POLA1: variants seen among roughly 807,000 people sequenced by gnomAD.
POLA1 encodes the protein DNA polymerase alpha 1, catalytic subunit.
POLA1 carries 15 observed loss-of-function variants against 124.0 expected under a neutral mutation model. The ratio of observed to expected loss-of-function variants is 0.12; its 90% CI spans 0.08 to 0.19. The LOEUF is 0.19. Among genes scored for constraint, POLA1 ranks in the 10% least tolerant of loss-of-function variants. POLA1 has a pLI of 1.00. For missense variants in POLA1, 886 were observed against 1,103.4 expected (o/e 0.80, Z 2.79); for synonymous variants, 408 against 389.4 (o/e 1.05, Z -0.56).
chrX:24,892,639 T>G lies in POLA1; in HGVS notation c.4164+4517T>G, dbSNP rs1296614383. On this transcript the variant is annotated intron_variant, in intron 35 of 36. Transcript: ENST00000379068. ...CTGGTTTTGTTGTTGTTATTATTAT[T>G]AATCTCTCATTATCGAACTGGGATT... 2.7e-5 allele frequency among the ~76,000 whole-genome samples: 3 copies of G among 112,091 alleles called. No homozygotes were observed. In the Admixed American group the frequency reaches 2.8e-4, roughly 11 times the overall value.
chrX:24,959,820 A>T (rs749158578), intron 36 of POLA1, among the ~76,000 whole-genome samples: 1 of 111,811 alleles, frequency 8.9e-6, no homozygotes, highest in African/African-American at 3.2e-5. Flanking sequence ...TAGGGGTTTT[A>T]AAAATGTGGC....
chrX:24,988,832 G>T (rs1036726651), intron 36 of POLA1, among the ~76,000 whole-genome samples: 9 of 111,194 alleles, frequency 8.1e-5, no homozygotes, highest in Non-Finnish European at 1.3e-4. Flanking sequence ...CAGGCGTGGT[G>T]GCAGGCACCT....
intron 36 of POLA1, among the ~76,000 whole-genome samples, chrX:24,978,347 G>T (rs2048388346): frequency 1.8e-5 from 2 of 111,779 alleles, no homozygotes; most frequent in African/African-American, 6.5e-5. Flanking sequence ...CACAATATTT[G>T]TATATTTGGT....
chrX:24,693,955 C>G lies in POLA1; in HGVS notation c.-7C>G, dbSNP rs774987360. ...CTGGTTGGCGCGGAATCGGGAGATT[C>G]GGGACCATGGCACCTGTGCACGGCG... On this transcript the variant is annotated 5_prime_UTR_variant, in exon 1 of 37. Coordinates refer to ENST00000379068, the MANE Select transcript of POLA1 (RefSeq NM_001330360.2). 27 of 1,192,540 alleles carry G rather than the reference C, an allele frequency of 2.3e-5. No individual in the cohort carries two copies. Among genetic ancestry groups the G allele is most frequent in the Non-Finnish European group, 3.0e-5 (27 of 885,771 alleles).
intron 26 of POLA1, among the ~76,000 whole-genome samples, chrX:24,751,146 A>G (rs1166714824): frequency 9.0e-6 from 1 of 111,269 alleles, no homozygotes; most frequent in Non-Finnish European, 1.9e-5. Flanking sequence ...GCAATAGTTG[A>G]CAATTTACTC....
At chrX:24,844,548 C>G (rs1304673451) in intron 34 of POLA1, among the ~76,000 whole-genome samples, 1 of 109,678 alleles carries the variant, frequency 9.1e-6, no homozygotes, top group African/African-American at 3.3e-5. Flanking sequence ...ACTTTTTACT[C>G]GTATTAGTTA....
intron 36 of POLA1, among the ~76,000 whole-genome samples, chrX:24,973,722 C>T (rs1392302471): frequency 9.0e-6 from 1 of 111,726 alleles, no homozygotes; most frequent in Non-Finnish European, 1.9e-5. Flanking sequence ...CCACCATGGT[C>T]GGGAGTCTTC....
At chrX:24,823,930 G>C (rs1367279116) in intron 31 of POLA1, among the ~76,000 whole-genome samples, 1 of 112,609 alleles carries the variant, frequency 8.9e-6, no homozygotes, top group Non-Finnish European at 1.9e-5. Flanking sequence ...TATTTGCTCA[G>C]ATCTTAAATC....
At chrX:24,866,154 C>T (rs1461048804) in intron 34 of POLA1, among the ~76,000 whole-genome samples, 1 of 111,948 alleles carries the variant, frequency 8.9e-6, no homozygotes, top group Non-Finnish European at 1.9e-5. Flanking sequence ...CCCTGCTTTC[C>T]GTGGTAATCA....
chrX:24,847,471 C>T (rs2046491487), intron 34 of POLA1, among the ~76,000 whole-genome samples: 1 of 111,618 alleles, frequency 9.0e-6, no homozygotes, highest in African/African-American at 3.3e-5. Flanking sequence ...GCCACTTGTA[C>T]ATTATATGAG....
intron 26 of POLA1, among the ~76,000 whole-genome samples, chrX:24,799,309 T>C (rs1258662562): frequency 1.8e-5 from 2 of 112,345 alleles, no homozygotes; most frequent in African/African-American, 6.5e-5. Context: ...CTGTGTGCTC[T>C]TCCAGGATTG....
chrX:24,707,622 A>G (rs1162663586), intron 4 of POLA1, among the ~76,000 whole-genome samples: 2 of 112,572 alleles, frequency 1.8e-5, no homozygotes, highest in African/African-American at 6.5e-5. Context: ...TTAAAGGCTT[A>G]TAAGAAATTA....
At chrX:24,872,991 TC>T (rs889792513) in intron 34 of POLA1, among the ~76,000 whole-genome samples, 3 of 111,384 alleles carry the variant, frequency 2.7e-5, no homozygotes, top group Non-Finnish European at 5.7e-5. Context: ...ATTATCAACA[TC>T]CCCTGCCATA....
At position 24,733,825 on chromosome X, in the gene POLA1, C is replaced by T. The variant is rs1380661447; in HGVS notation, c.1833+9C>T. The T allele has an allele frequency of 3.0e-6, 3 of 1,010,822 alleles. No homozygotes were observed. The Admixed American group carries it at 7.0e-5, about 24-fold the overall frequency. 83.3% of individuals were successfully genotyped at this position (1,010,822 alleles called of 1,213,427 possible). On this transcript the variant is annotated intron_variant, in intron 17 of 36. Coordinates refer to ENST00000379068, the MANE Select transcript of POLA1 (RefSeq NM_001330360.2). ...AAGTCATTGAGAAAAAGGTAAAGTGCTCATTATATGAAGCACCTGTTTGTT... is the reference window on the plus strand; with the variant it reads ...AAGTCATTGAGAAAAAGGTAAAGTGTTCATTATATGAAGCACCTGTTTGTT...
rs6629916 is a variant in POLA1 at position 24,799,542 on chromosome X, G to A, written c.2965-10356G>A. ...ATTATCTGAGCATAGCCAGCCTGACGCCTTCTTCTCAAATAGACAATTATG... is the reference window on the plus strand; with the variant it reads ...ATTATCTGAGCATAGCCAGCCTGACACCTTCTTCTCAAATAGACAATTATG... On this transcript the variant is annotated intron_variant, in intron 26 of 36. Coordinates refer to ENST00000379068, the MANE Select transcript of POLA1 (RefSeq NM_001330360.2). Among the ~76,000 whole-genome samples the A allele has an allele frequency of 9.2e-3, 1,037 of 112,223 alleles. 37 individuals are homozygous for A. The East Asian group carries it at 0.13, about 14-fold the overall frequency.
chrX:24,872,614 A>C lies in POLA1; in HGVS notation c.4048-15392A>C, dbSNP rs181882093. Among the ~76,000 whole-genome samples, 823 of 111,808 alleles carry C rather than the reference A, an allele frequency of 7.4e-3. 4 individuals are homozygous for C. Among genetic ancestry groups the C allele is most frequent in the Non-Finnish European group, 0.011 (605 of 53,162 alleles). On this transcript the variant is annotated intron_variant, in intron 34 of 36. Coordinates refer to ENST00000379068, the MANE Select transcript of POLA1 (RefSeq NM_001330360.2). ...CCGGTTTTTACAATTAGGATATTTA[A>C]AATATTTTGGTGCAAAAATATTTGG...
intron 26 of POLA1, among the ~76,000 whole-genome samples, chrX:24,750,042 A>G (rs1246622665): frequency 8.9e-6 from 1 of 111,939 alleles, no homozygotes; most frequent in African/African-American, 3.2e-5. Context: ...TTGGCAAATG[A>G]TGGCCATCGG....
At chrX:24,967,091 T>G (rs1428130569) in intron 36 of POLA1, among the ~76,000 whole-genome samples, 1 of 111,463 alleles carries the variant, frequency 9.0e-6, no homozygotes, top group African/African-American at 3.3e-5. Flanking sequence ...TTTGTTTTTG[T>G]GTCCATCGAG....
rs2148400104 is a variant in POLA1 at position 24,745,534 on chromosome X, G to A, written c.2683G>A (p.Val895Ile). The part of the protein sequence containing the change: ...VQRVASEAQK[V>I]TEDGEQEQIP... ...AAGAGTTGCTTCAGAGGCACAGAAA[G>A]TTACAGAGGTTTGTATTTAACCTGG... Residue 895 changes from valine (V) to isoleucine (I), a missense_variant, in exon 24 of 37, where the codon GTT (valine) becomes ATT (isoleucine). Val to Ile is a conservative substitution (Grantham distance 29). Transcript: ENST00000379068. 3 of 1,160,767 alleles carry A rather than the reference G, an allele frequency of 2.6e-6. No individual in the cohort carries two copies. The Middle Eastern group carries it at 7.1e-4, about 276-fold the overall frequency.
Sources: allele counts gnomAD v4.1 joint callset (sites outside exome capture counted in the v4.1 genomes callset), GRCh38; gene constraint gnomAD v4.1.1; transcripts MANE v1.5; gene names NCBI Gene and HGNC (gene_info 2026-07-23, HGNC 2026-07-21).